AHDC1: variants seen among roughly 807,000 people sequenced by gnomAD.
AHDC1 encodes transcription factor Gibbin.
AHDC1 carries 7 observed loss-of-function variants against 87.9 expected under a neutral mutation model. The ratio of observed to expected loss-of-function variants is 0.08; its 90% CI spans 0.05 to 0.15. The LOEUF (loss-of-function observed/expected upper bound fraction) is 0.15. Among genes scored for constraint, AHDC1 ranks in the 10% least tolerant of loss-of-function variants. AHDC1 has a pLI of 1.00. For missense variants in AHDC1, 1,841 were observed against 2,253.2 expected, an observed-to-expected ratio of 0.82 and a Z score of 3.70; for synonymous variants, 1,051 against 1,006.8, an observed-to-expected ratio of 1.04 and a Z score of -0.83.
chr1:27,592,329 T>TGTCACCCACCCAGCTC (rs1427945508), intron 3 of AHDC1, among the ~76,000 whole-genome samples: 3 of 151,944 alleles, frequency 2.0e-5, no homozygotes, highest in Non-Finnish European at 4.4e-5. Flanking sequence ...CCGCACCACC[T>TGTCACCCACCCAGCTC]GTCACCCACC....
At chr1:27,559,993 G>A (rs2019996079) in intron 3 of AHDC1, among the ~76,000 whole-genome samples, 1 of 152,194 alleles carries the variant, frequency 6.6e-6, no homozygotes, top group Non-Finnish European at 1.5e-5. Context: ...TAGCCTGTTC[G>A]TGTGCTTCTC....
At chr1:27,542,434 G>A (rs748088499) in intron 8 of AHDC1, among the ~76,000 whole-genome samples, 9 of 152,246 alleles carry the variant, frequency 5.9e-5, no homozygotes, top group Admixed American at 1.3e-4. Flanking sequence ...CCTGCATGAA[G>A]GTACAAGAGG....
chr1:27,544,120 G>T (rs1394805850), intron 8 of AHDC1, among the ~76,000 whole-genome samples: 2 of 152,126 alleles, frequency 1.3e-5, no homozygotes, highest in African/African-American at 4.8e-5. Flanking sequence ...CCTGGGCAAG[G>T]TTCAGAGCTG....
At position 27,551,985 on chromosome 1, in the gene AHDC1, GGGGGCCGGGTGGGAAGCA is replaced by G. The variant is rs1390045745; in HGVS notation, c.113_130del (p.Leu38_Pro43del). The G allele has an allele frequency of 3.4e-6, 5 of 1,482,524 alleles. No homozygotes were observed. In the South Asian group the frequency reaches 5.4e-5, roughly 16 times the overall value. 91.8% of individuals were successfully genotyped at this position (1,482,524 alleles called of 1,614,324 possible). A position where few individuals can be genotyped will look rare whatever the true frequency, so the allele number is the denominator to read the frequency against. On this transcript the variant is annotated inframe_deletion, in exon 8 of 9. Coordinates refer to ENST00000673934, the MANE Select transcript of AHDC1 (RefSeq NM_001371928.1). ...GAAGGCCTTGTCAGGTGGGCTGGCA[GGGGGCCGGGTGGGAAGCA>G]GGGGCCGGGGGGTGGGGGGGCCGCC...
intron 3 of AHDC1, among the ~76,000 whole-genome samples, chr1:27,568,615 C>T (rs534664053): frequency 1.4e-4 from 21 of 152,022 alleles, no homozygotes; most frequent in African/African-American, 5.1e-4. Flanking sequence ...GCCGGGCTCC[C>T]GGAGATTGGT....
At chr1:27,535,157 G>GT (rs2018587808) in intron 8 of AHDC1, among the ~76,000 whole-genome samples, 1 of 152,190 alleles carries the variant, frequency 6.6e-6, no homozygotes, top group African/African-American at 2.4e-5. Flanking sequence ...CAGGTGCTGG[G>GT]TGAGGAGGTG....
chr1:27,588,944 G>C (rs760207956), intron 3 of AHDC1, among the ~76,000 whole-genome samples: 7 of 151,962 alleles, frequency 4.6e-5, no homozygotes, highest in Non-Finnish European at 1.0e-4. Context: ...GGAAGGGTGA[G>C]TGAGTGAGAA....
At position 27,554,406 on chromosome 1, in the gene AHDC1, G is replaced by T. The variant is rs188266036; in HGVS notation, c.-224-1221C>A. 4.0e-3 allele frequency among the ~76,000 whole-genome samples: 614 copies of T among 152,278 alleles called. 2 individuals are homozygous for T. The highest frequency in any genetic ancestry group is 6.6e-3 in the Non-Finnish European group (450 of 68,012). The stretch of plus-strand genomic sequence containing the variant: ...TTAGTGTGTCCCCCACAAGAGTGTG[G>T]GCTCTTCAGGAGCAGGGATCACATC... On this transcript the variant is annotated intron_variant, in intron 5 of 8. Coordinates refer to ENST00000673934, the MANE Select transcript of AHDC1 (RefSeq NM_001371928.1).
intron 3 of AHDC1, among the ~76,000 whole-genome samples, chr1:27,588,563 CAA>C (rs951160862): frequency 4.7e-4 from 72 of 152,246 alleles, no homozygotes; most frequent in African/African-American, 1.6e-3. Flanking sequence ...AGAGCAGTAA[CAA>C]ATACCGTCAG....
At chr1:27,591,297 C>T (rs1049288279) in intron 3 of AHDC1, among the ~76,000 whole-genome samples, 2 of 152,234 alleles carry the variant, frequency 1.3e-5, no homozygotes, top group East Asian at 3.9e-4. Context: ...GTAGCCTCCC[C>T]GCTCTGGCAC....
intron 3 of AHDC1, among the ~76,000 whole-genome samples, chr1:27,568,520 G>A (rs1379382559): frequency 1.3e-5 from 2 of 152,148 alleles, no homozygotes; most frequent in African/African-American, 4.8e-5. Flanking sequence ...GGCCGGCCCT[G>A]CCTTTTCCTC....
chr1:27,584,804 C>G (rs540750368), intron 3 of AHDC1, among the ~76,000 whole-genome samples: 4 of 152,214 alleles, frequency 2.6e-5, no homozygotes, highest in Non-Finnish European at 5.9e-5. Flanking sequence ...TCCCCTTCGG[C>G]CTAGACTAGA....
In AHDC1 at chr1:27,565,937, A is replaced by G. The variant is rs900159328; in HGVS notation, c.-628-7054T>C. Among the ~76,000 whole-genome samples, 5 of 152,172 alleles carry G rather than the reference A, an allele frequency of 3.3e-5. No homozygotes were observed. Among genetic ancestry groups the G allele is most frequent in the South Asian group, 2.1e-4 (1 of 4,824 alleles). On this transcript the variant is annotated intron_variant, in intron 3 of 8. Coordinates refer to ENST00000673934, the MANE Select transcript of AHDC1 (RefSeq NM_001371928.1). The surrounding 1 kb of genome is among the most constrained non-coding windows in gnomAD (Gnocchi z 4.6). ...TGCCACACTCTCTGTAGGCTCTTCA[A>G]CCTTGCACCCTCCATTTCAGGTTCA... is the stretch of plus-strand genomic sequence containing the variant.
chr1:27,537,866 G>GGACA (rs1369644620), intron 8 of AHDC1, among the ~76,000 whole-genome samples: 1 of 152,146 alleles, frequency 6.6e-6, no homozygotes. Context: ...CAGCAGTGAG[G>GGACA]GACAGCTGAG....
chr1:27,554,692 G>A (rs994907265), intron 5 of AHDC1, among the ~76,000 whole-genome samples: 5 of 152,146 alleles, frequency 3.3e-5, no homozygotes, highest in Non-Finnish European at 4.4e-5. Flanking sequence ...GTTTGGCTCT[G>A]ACCTAGTACT....
At chr1:27,575,921 G>T (rs1466678686) in intron 3 of AHDC1, among the ~76,000 whole-genome samples, 2 of 151,614 alleles carry the variant, frequency 1.3e-5, no homozygotes, top group Non-Finnish European at 1.5e-5. Flanking sequence ...GTGGCGGGGG[G>T]AGGGGAGGGC....
chr1:27,582,788 T>C (rs1349260975), intron 3 of AHDC1, among the ~76,000 whole-genome samples: 1 of 152,218 alleles, frequency 6.6e-6, no homozygotes, highest in African/African-American at 2.4e-5. Context: ...CCCTGTGTTT[T>C]GGAGATGCGA....
rs150728316 is a variant in AHDC1 at position 27,569,908 on chromosome 1, C to T, written c.-628-11025G>A. 5.9e-4 allele frequency among the ~76,000 whole-genome samples: 89 copies of T among 152,124 alleles called. No homozygotes were observed. In the South Asian group the frequency reaches 6.8e-3, roughly 12 times the overall value. Reference sequence around the variant, plus strand: ...GTCAAAGCACCTTTCCTGGGGGAGGCGGCACTGTGATGCCCTGAGTCTGGC... The same window carrying T: ...GTCAAAGCACCTTTCCTGGGGGAGGTGGCACTGTGATGCCCTGAGTCTGGC... On this transcript the variant is annotated intron_variant, in intron 3 of 8. Transcript: ENST00000673934.
At chr1:27,572,569 T>C (rs2088567879) in intron 3 of AHDC1, among the ~76,000 whole-genome samples, 1 of 152,138 alleles carries the variant, frequency 6.6e-6, no homozygotes, top group Admixed American at 6.5e-5. Flanking sequence ...ACAACACCCC[T>C]ACAGATACCC....
Sources: allele counts gnomAD v4.1 joint callset (sites outside exome capture counted in the v4.1 genomes callset), GRCh38; gene constraint gnomAD v4.1.1; non-coding constraint Gnocchi (gnomAD v3.1); transcripts MANE v1.5; gene names NCBI Gene and HGNC (gene_info 2026-07-23, HGNC 2026-07-21).